GRID2: variants seen among roughly 807,000 people sequenced by gnomAD.
GRID2 encodes the protein glutamate receptor ionotropic, delta-2.
In GRID2, 33 loss-of-function variants were observed where a neutral mutation model predicts 114.8. The ratio of observed to expected loss-of-function variants is 0.29; its 90% CI spans 0.22 to 0.38. GRID2 has a LOEUF of 0.38. GRID2 is among the 10% of genes least tolerant of loss of function. The pLI, the probability that GRID2 is intolerant of heterozygous loss-of-function variation, is 1.00. For missense variants in GRID2, 1,184 were observed against 1,257.7 expected (o/e 0.94, Z 0.89); for synonymous variants, 505 against 449.9 (o/e 1.12, Z -1.55).
intron 2 of GRID2, among the ~76,000 whole-genome samples, chr4:92,753,359 C>G (rs369375582): frequency 6.6e-6 from 1 of 151,998 alleles, no homozygotes; most frequent in African/African-American, 2.4e-5. Context: ...AGGAATGATG[C>G]GTAATAAATG....
At chr4:93,786,262 A>AAG (rs1291918804) in intron 1 of GRID2, among the ~76,000 whole-genome samples, 2 of 152,166 alleles carry the variant, frequency 1.3e-5, no homozygotes, top group Admixed American at 1.3e-4. Flanking sequence ...TTGGAAGAAT[A>AAG]AGTGGAAGGA....
chr4:93,011,112 TAA>T (rs1299352666), intron 2 of GRID2, among the ~76,000 whole-genome samples: 2 of 151,698 alleles, frequency 1.3e-5, no homozygotes. Context: ...AAAATATATT[TAA>T]GACAGGTTTT....
At chr4:93,238,623 G>GGCC in intron 8 of GRID2, 133 bp downstream of exon 8, 3 of 531,724 alleles carry the variant, frequency 5.6e-6, no homozygotes, top group African/African-American at 2.0e-5. Flanking sequence ...GGGGTGAGGG[G>GGCC]AAATTAGGCA....
At chr4:93,211,191 T>C (rs1188856042) in intron 5 of GRID2, among the ~76,000 whole-genome samples, 1 of 152,022 alleles carries the variant, frequency 6.6e-6, no homozygotes, top group Non-Finnish European at 1.5e-5. Flanking sequence ...GAAATAGAGC[T>C]TCTGAGAACA....
intron 13 of GRID2, among the ~76,000 whole-genome samples, 195 bp downstream of exon 13, chr4:93,515,606 T>A (rs1203294170): frequency 6.6e-6 from 1 of 152,152 alleles, no homozygotes; most frequent in Admixed American, 6.6e-5. Context: ...CTGTAGTGTG[T>A]CTAACAGATC....
chr4:92,710,843 A>G (rs1261474087), intron 2 of GRID2, among the ~76,000 whole-genome samples: 1 of 152,140 alleles, frequency 6.6e-6, no homozygotes, highest in Non-Finnish European at 1.5e-5. Flanking sequence ...GTAAACTTCC[A>G]TAATAAACTT....
chr4:92,575,416 GT>G, intron 1 of GRID2, among the ~76,000 whole-genome samples: 1 of 152,232 alleles, frequency 6.6e-6, no homozygotes, highest in South Asian at 2.1e-4. Flanking sequence ...AGTTTTCTGT[GT>G]TTTTGCAATG....
chr4:93,263,993 C>T (rs1750531902), intron 8 of GRID2, among the ~76,000 whole-genome samples: 1 of 152,084 alleles, frequency 6.6e-6, no homozygotes, highest in Non-Finnish European at 1.5e-5. Flanking sequence ...TTTTGCATAG[C>T]TTGAAATTAT....
chr4:93,412,238 C>G (rs543435744), intron 9 of GRID2, among the ~76,000 whole-genome samples: 46 of 150,850 alleles, frequency 3.0e-4, no homozygotes, highest in East Asian at 2.2e-3. Flanking sequence ...ATCCCCCCCC[C>G]CCAAAAAAAA....
chr4:93,312,676 G>C (rs1333459153), intron 8 of GRID2, among the ~76,000 whole-genome samples: 3 of 152,092 alleles, frequency 2.0e-5, no homozygotes, highest in Non-Finnish European at 4.4e-5. Context: ...CCCTTAAACG[G>C]AAGGAGTTAT....
chr4:93,410,453 T>C (rs1329832454), intron 9 of GRID2, among the ~76,000 whole-genome samples: 4 of 152,242 alleles, frequency 2.6e-5, no homozygotes, highest in Admixed American at 2.0e-4. Flanking sequence ...ACAAATTAAA[T>C]GCATGCTTTC....
At chr4:92,885,221 T>A (rs947320108) in intron 2 of GRID2, 1 of 166,642 alleles carries the variant, frequency 6.0e-6, no homozygotes, top group Admixed American at 6.4e-5. Flanking sequence ...GCTGTACTTT[T>A]ATGAATTAAT....
intron 8 of GRID2, among the ~76,000 whole-genome samples, chr4:93,322,394 G>A (rs1017426675): frequency 3.3e-5 from 5 of 152,064 alleles, no homozygotes; most frequent in African/African-American, 9.7e-5. Context: ...TTTTATGGCT[G>A]CATAGTATTC....
intron 3 of GRID2, among the ~76,000 whole-genome samples, chr4:93,099,123 G>T (rs1194153923): frequency 1.3e-5 from 2 of 151,372 alleles, no homozygotes; most frequent in African/African-American, 4.8e-5. Flanking sequence ...TCAAGTATAT[G>T]GAGGGCTCTG....
intron 4 of GRID2, among the ~76,000 whole-genome samples, chr4:93,197,903 T>C (rs1221930954): frequency 6.6e-6 from 1 of 152,240 alleles, no homozygotes; most frequent in Non-Finnish European, 1.5e-5. Context: ...TTAATTACTA[T>C]ATAAATAGTT....
intron 13 of GRID2, among the ~76,000 whole-genome samples, chr4:93,588,078 G>C (rs1466796097): frequency 1.3e-5 from 2 of 152,026 alleles, no homozygotes; most frequent in African/African-American, 4.8e-5. Context: ...ATGTAAGGTA[G>C]TATGAAAATA....
At chr4:92,580,940 TG>T (rs1188828108) in intron 1 of GRID2, among the ~76,000 whole-genome samples, 2 of 151,716 alleles carry the variant, frequency 1.3e-5, no homozygotes, top group African/African-American at 4.8e-5. Flanking sequence ...GAATTTGAAT[TG>T]GTGTGCAGTG....
intron 14 of GRID2, among the ~76,000 whole-genome samples, chr4:93,766,521 C>CA (rs1266933921): frequency 6.6e-6 from 1 of 152,132 alleles, no homozygotes; most frequent in African/African-American, 2.4e-5. Flanking sequence ...TGTGTGGGGA[C>CA]ACGGAGCCAA....
intron 8 of GRID2, among the ~76,000 whole-genome samples, chr4:93,318,023 T>TATATATA (rs1560493013): frequency 1.4e-5 from 1 of 70,820 alleles, no homozygotes; most frequent in East Asian, 3.1e-4. Context: ...ATATATATAT[T>TATATATA]ACTACTTTCT....
Sources: gnomAD v4.1 joint callset for allele counts (sites outside exome capture counted in the v4.1 genomes callset) on GRCh38, gnomAD v4.1.1 for gene constraint, MANE v1.5 for transcripts, NCBI Gene and HGNC (gene_info 2026-07-23, HGNC 2026-07-21) for gene names.